Variants in ELMOD3 observed in about 807,000 individuals in gnomAD.
ELMOD3 encodes ELMO domain-containing protein 3.
A neutral mutation model predicts 47.4 loss-of-function variants in ELMOD3; 36 were observed. The observed-to-expected ratio is 0.76, with a 90% CI of 0.58 to 1.00. ELMOD3 has a LOEUF of 1.00. ELMOD3 is among the 50% of genes least tolerant of loss of function. ELMOD3 has a pLI of 0.00. For synonymous variants in ELMOD3, 149 were observed against 183.5 expected (o/e 0.81, Z 1.52); for missense variants, 404 against 463.8 (o/e 0.87, Z 1.18).
intron 6 of ELMOD3, among the ~76,000 whole-genome samples, chr2:85,367,921 T>TTTTC (rs1684509443): frequency 1.3e-5 from 2 of 151,840 alleles, no homozygotes; most frequent in Admixed American, 1.3e-4. Flanking sequence ...CTTTTCTTTT[T>TTTTC]TTTTTTTTTG....
chr2:85,361,580 G>A (rs1683958016), intron 4 of ELMOD3, among the ~76,000 whole-genome samples: 1 of 152,120 alleles, frequency 6.6e-6, no homozygotes, highest in Non-Finnish European at 1.5e-5. Flanking sequence ...TGGGAGCTAA[G>A]TGATGAGAAC....
rs763535236 is a variant in ELMOD3 at position 85,390,202 on chromosome 2, C to T, written c.880C>T (p.His294Tyr). ...VNSFYAATFL[H>Y]LAHVWRTQRK... ...CAGCTTCTATGCCGCCACATTCCTC[C>T]ACCTCGCACATGTCTGGAGGACACA... The change falls in exon 13 of 14, where the codon CAC (histidine) becomes TAC (tyrosine). Residue 294 changes from histidine to tyrosine, a missense_variant. Physicochemically the swap from His to Tyr is moderately conservative, Grantham distance 83. Coordinates refer to ENST00000409013, the MANE Select transcript of ELMOD3 (RefSeq NM_001135022.2). 8.1e-6 allele frequency: 13 copies of T among 1,614,086 alleles called. No homozygotes were observed. The African/African-American group carries it at 1.7e-4, about 22-fold the overall frequency.
intron 4 of ELMOD3, among the ~76,000 whole-genome samples, chr2:85,358,125 C>CAA (rs1683689296): frequency 6.6e-6 from 1 of 151,530 alleles, no homozygotes; most frequent in Non-Finnish European, 1.5e-5. Context: ...ACTAAAAATA[C>CAA]AAAATTATCT....
chr2:85,363,179 T>A lies in ELMOD3; in HGVS notation c.199+13T>A. On this transcript the variant is annotated intron_variant, in intron 6 of 13. Transcript: ENST00000409013. ...TGGGAGCCACGTGGTAAGGTTCCCT[T>A]CAGGGCCCTTGGAGTCTGGGTGGGA... 1 of 1,569,164 alleles carries A rather than the reference T, an allele frequency of 6.4e-7. No individual in the cohort carries two copies. The highest frequency in any genetic ancestry group is 8.8e-7 in the Non-Finnish European group (1 of 1,139,794).
Position 85,376,179 on chromosome 2 carries a change from C to G in ELMOD3, c.608-1165C>G, listed in dbSNP as rs1475217258. ...TGTCAAATAATTCCAACAACTGTGT[C>G]ATCTCTGTTGGTGTCTGTTGATCAT... On this transcript the variant is annotated intron_variant, in intron 10 of 13. Transcript: ENST00000409013. The surrounding 1 kb of genome is among the most constrained non-coding windows in gnomAD (Gnocchi z 4.2). Among the ~76,000 whole-genome samples the G allele has an allele frequency of 6.6e-5, 10 of 152,204 alleles. No individual in the cohort carries two copies. The East Asian group carries it at 1.9e-3, about 29-fold the overall frequency.
In ELMOD3 at chr2:85,369,769, A is replaced by G. The variant is rs1237467330; in HGVS notation, c.299A>G (p.Gln100Arg). 3 of 1,614,028 alleles carry G rather than the reference A, an allele frequency of 1.9e-6. No homozygotes were observed. Among genetic ancestry groups the G allele is most frequent in the Non-Finnish European group, 2.5e-6 (3 of 1,179,996 alleles). ...CAAGCTAGCTCAGAGCAGCCTGGGC[A>G]GCTAATCTCCTTCAGTGAGGCCCTG... ...GSQASSEQPG[Q>R]LISFSEALQH... The change falls in exon 8 of 14, where the codon CAG becomes CGG. Residue 100 changes from glutamine to arginine, a missense_variant. By Grantham distance (43) the Gln-to-Arg change is conservative. Coordinates refer to ENST00000409013, the MANE Select transcript of ELMOD3 (RefSeq NM_001135022.2).
At chr2:85,382,974 C>G (rs543385129) in intron 11 of ELMOD3, among the ~76,000 whole-genome samples, 1 of 149,746 alleles carries the variant, frequency 6.7e-6, no homozygotes, top group Admixed American at 6.6e-5. Flanking sequence ...CTCATCTTCC[C>G]TGTTAGAAGT....
chr2:85,370,010 A>G (rs1030906519), intron 8 of ELMOD3, among the ~76,000 whole-genome samples, 180 bp downstream of exon 8: 58 of 152,142 alleles, frequency 3.8e-4, no homozygotes, highest in African/African-American at 1.3e-3. Context: ...TTGTGGGACT[A>G]TGCCCTTACA....
At chr2:85,389,694 G>A in intron 11 of ELMOD3, 57 bp from the exon 12 acceptor site, 2 of 1,492,782 alleles carry the variant, frequency 1.3e-6, no homozygotes, top group Non-Finnish European at 9.3e-7. Context: ...GGCTGCAGAT[G>A]ACAGGAAACA....
At chr2:85,371,583 ATCT>A (rs1684792315) in intron 10 of ELMOD3, 21 bp downstream of exon 10, 2 of 1,613,352 alleles carry the variant, frequency 1.2e-6, no homozygotes, top group Non-Finnish European at 1.7e-6. Context: ...GGAGTAGCTC[ATCT>A]TCTTTTTCAT....
intron 10 of ELMOD3, among the ~76,000 whole-genome samples, chr2:85,374,892 C>T (rs113235444): frequency 0.016 from 2,360 of 152,008 alleles, 54 homozygotes; most frequent in African/African-American, 0.055. Context: ...GGGTGGACTA[C>T]GAGGTCAGGA....
At chr2:85,385,038 G>A (rs1685832348) in intron 11 of ELMOD3, among the ~76,000 whole-genome samples, 1 of 152,190 alleles carries the variant, frequency 6.6e-6, no homozygotes, top group Non-Finnish European at 1.5e-5. Context: ...AATGTGGAGA[G>A]ACAGTTACAG....
intron 6 of ELMOD3, among the ~76,000 whole-genome samples, chr2:85,364,825 A>ATATATATATATATTTTTTT (rs375582916): frequency 4.3e-5 from 3 of 69,890 alleles, no homozygotes; most frequent in African/African-American, 2.0e-4. Context: ...ATATATATAT[A>ATATATATATATATTTTTTT]TTTTTTTTTT....
At chr2:85,355,672 T>G (rs142822358) in intron 3 of ELMOD3, 74 bp downstream of exon 3, 3 of 152,312 alleles carry the variant, frequency 2.0e-5, no homozygotes, top group African/African-American at 7.2e-5. Context: ...CCTCCTGAGA[T>G]TGCTATTACC....
Position 85,390,919 on chromosome 2 carries a change from G to A in ELMOD3, c.1103G>A (p.Ser368Asn), listed in dbSNP as rs778441524. 4.3e-5 allele frequency: 67 copies of A among 1,551,606 alleles called. No homozygotes were observed. The highest frequency in any genetic ancestry group is 5.8e-5 in the Non-Finnish European group (66 of 1,146,996). Residue 368 changes from serine (S) to asparagine (N), a missense_variant, in exon 14 of 14, where the codon AGT (serine) becomes AAT (asparagine). Ser to Asn is a conservative substitution (Grantham distance 46, BLOSUM62 1). Transcript: ENST00000409013. ...PFKDLTFTGE[S>N]DLQSHSSEGV... ...AAGGATCTCACCTTCACAGGTGAGA[G>A]TGACCTGCAGTCTCACTCATCCGAA... is the stretch of plus-strand genomic sequence containing the variant.
chr2:85,377,988 AG>A (rs1323556088), intron 11 of ELMOD3, among the ~76,000 whole-genome samples: 1 of 152,234 alleles, frequency 6.6e-6, no homozygotes, highest in Admixed American at 6.5e-5. Context: ...AGGAGAACAA[AG>A]GAAGGAAGAA....
chr2:85,390,843 G>C lies in ELMOD3; in HGVS notation c.1027G>C (p.Ala343Pro). The C allele has an allele frequency of 1.3e-6, 2 of 1,551,660 alleles. No homozygotes were observed. The highest frequency in any genetic ancestry group is 1.7e-6 in the Non-Finnish European group (2 of 1,147,002). ...CTTGGCCAGGGTGTCAAAGGGACAG[G>C]CCTCCTTGTTGGGAGCACAGAAGTG... ...LYLARVSKGQ[A>P]SLLGAQKCYG... Residue 343 changes from alanine (A) to proline (P), a missense_variant, in exon 14 of 14, where the codon GCC (alanine) becomes CCC (proline). Transcript: ENST00000409013.
chr2:85,387,105 G>C, intron 11 of ELMOD3: 1 of 1,301,392 alleles, frequency 7.7e-7, no homozygotes, highest in Non-Finnish European at 1.0e-6. Context: ...TAGATTGAAA[G>C]AAATCAAGGG....
At chr2:85,382,679 C>G (rs1482365512) in intron 11 of ELMOD3, among the ~76,000 whole-genome samples, 2 of 151,976 alleles carry the variant, frequency 1.3e-5, no homozygotes, top group African/African-American at 4.8e-5. Flanking sequence ...CTATGTCCAT[C>G]TAATTTTTGT....
Sources: gnomAD v4.1 joint callset for allele counts (sites outside exome capture counted in the v4.1 genomes callset) on GRCh38, gnomAD v4.1.1 for gene constraint, Gnocchi (gnomAD v3.1) non-coding constraint, MANE v1.5 for transcripts, NCBI Gene and HGNC (gene_info 2026-07-23, HGNC 2026-07-21) for gene names.